Variants in PRR16 observed in about 807,000 individuals in gnomAD.
PRR16 encodes proline rich 16, also known as protein Largen.
Under a neutral mutation model 18.2 loss-of-function variants are expected in PRR16, and 6 were observed. The observed-to-expected ratio is 0.33, with a 90% CI of 0.18 to 0.65. The LOEUF is 0.65. PRR16 is among the 30% of genes least tolerant of loss of function. The pLI is 0.74. For synonymous variants in PRR16, 151 were observed against 147.8 expected, an observed-to-expected ratio of 1.02 and a Z score of -0.16; for missense variants, 412 against 376.6, an observed-to-expected ratio of 1.09 and a Z score of -0.78.
chr5:120,483,796 A>G (rs907029642), intron 1 of PRR16, among the ~76,000 whole-genome samples: 5 of 152,146 alleles, frequency 3.3e-5, no homozygotes, highest in Admixed American at 6.6e-5. Context: ...ATCTCAGATA[A>G]CAAATCTGGC....
At chr5:120,510,919 G>T (rs1360417148) in intron 1 of PRR16, among the ~76,000 whole-genome samples, 1 of 152,074 alleles carries the variant, frequency 6.6e-6, no homozygotes, top group Non-Finnish European at 1.5e-5. Context: ...ATCCCTACTT[G>T]CCTGGGGAAA....
chr5:120,505,605 T>C (rs1177193897), intron 1 of PRR16, among the ~76,000 whole-genome samples: 1 of 152,208 alleles, frequency 6.6e-6, no homozygotes, highest in Non-Finnish European at 1.5e-5. Context: ...TTGGCGACTG[T>C]ACAAGTGTCA....
intron 1 of PRR16, among the ~76,000 whole-genome samples, chr5:120,476,855 G>T (rs994349680): frequency 2.0e-5 from 3 of 152,008 alleles, no homozygotes; most frequent in Non-Finnish European, 4.4e-5. Flanking sequence ...CTCTGTATTT[G>T]CTGTCACCTA....
intron 1 of PRR16, among the ~76,000 whole-genome samples, chr5:120,498,602 T>C (rs1750338829): frequency 6.6e-6 from 1 of 151,798 alleles, no homozygotes; most frequent in Non-Finnish European, 1.5e-5. Context: ...ATCCGTATTT[T>C]TGTTTACTAT....
chr5:120,744,081 G>A, the PRR16 span, among the ~76,000 whole-genome samples: 3 of 151,944 alleles, frequency 2.0e-5, no homozygotes, highest in Non-Finnish European at 2.9e-5. Flanking sequence ...CATAAAAGCT[G>A]ATACTATGGC....
At chr5:120,507,667 A>AT (rs762674968) in intron 1 of PRR16, among the ~76,000 whole-genome samples, 1 of 151,992 alleles carries the variant, frequency 6.6e-6, no homozygotes, top group African/African-American at 2.4e-5. Flanking sequence ...TTTGTTTTAT[A>AT]TTTTTTTAAT....
At chr5:120,660,749 AGTCTTAT>A (rs1373486795) in intron 1 of PRR16, among the ~76,000 whole-genome samples, 1 of 152,038 alleles carries the variant, frequency 6.6e-6, no homozygotes, top group Non-Finnish European at 1.5e-5. Context: ...GACATTATGC[AGTCTTAT>A]GTGTGTTTTT....
intron 1 of PRR16, among the ~76,000 whole-genome samples, chr5:120,524,723 G>A (rs1380350273): frequency 6.6e-6 from 1 of 152,060 alleles, no homozygotes; most frequent in African/African-American, 2.4e-5. Flanking sequence ...AATGCTTGAG[G>A]TGATGAATAT....
intron 1 of PRR16, among the ~76,000 whole-genome samples, chr5:120,595,786 T>G (rs539216879): frequency 1.3e-5 from 2 of 152,128 alleles, no homozygotes; most frequent in Non-Finnish European, 2.9e-5. Flanking sequence ...ACACACCTTT[T>G]TCATGTAAAT....
the PRR16 span, among the ~76,000 whole-genome samples, chr5:120,733,652 G>C: frequency 1.3e-5 from 2 of 152,098 alleles, no homozygotes; most frequent in Non-Finnish European, 2.9e-5. Flanking sequence ...TAACATTGTT[G>C]TTATGCAACT....
chr5:120,465,929 C>T (rs1371806833), intron 1 of PRR16, among the ~76,000 whole-genome samples: 1 of 152,158 alleles, frequency 6.6e-6, no homozygotes, highest in African/African-American at 2.4e-5. Flanking sequence ...AGAGCCCCCT[C>T]GTCTTCCTCC....
chr5:120,560,689 T>C (rs576199286), intron 1 of PRR16, among the ~76,000 whole-genome samples: 1 of 152,096 alleles, frequency 6.6e-6, no homozygotes, highest in Non-Finnish European at 1.5e-5. Flanking sequence ...TTTTTCAGAA[T>C]AGTTCAAGTA....
chr5:120,717,552 T>A, the PRR16 span, among the ~76,000 whole-genome samples: 1 of 152,214 alleles, frequency 6.6e-6, no homozygotes, highest in Non-Finnish European at 1.5e-5. Context: ...ACTTATCCAC[T>A]GGCTGAAAAC....
chr5:120,734,514 A>G, the PRR16 span, among the ~76,000 whole-genome samples: 55 of 151,072 alleles, frequency 3.6e-4, no homozygotes, highest in African/African-American at 1.3e-3. Flanking sequence ...GTTGCTAAAC[A>G]TGAAAGACAG....
At chr5:120,767,518 T>C in the PRR16 span, among the ~76,000 whole-genome samples, 1 of 151,934 alleles carries the variant, frequency 6.6e-6, no homozygotes. Context: ...CAGCATTAGC[T>C]GTTCTCCTTC....
intron 1 of PRR16, among the ~76,000 whole-genome samples, chr5:120,548,039 G>A (rs1323276771): frequency 6.6e-6 from 1 of 151,924 alleles, no homozygotes; most frequent in African/African-American, 2.4e-5. Flanking sequence ...CTGTTTGCTG[G>A]CAATGACAGT....
rs150037438 is a variant in PRR16, at chr5:120,492,955, G to T, written c.159+28310G>T. ...TATACCACATTTTCTTAATCCACTT[G>T]TTGGCCGATGGACACTTAGTTTGGT... On this transcript the variant is annotated intron_variant, in intron 1 of 1. Coordinates refer to ENST00000407149, the MANE Select transcript of PRR16 (RefSeq NM_001300783.2). Among the ~76,000 whole-genome samples, 671 of 152,174 alleles carry T rather than the reference G, an allele frequency of 4.4e-3. 2 individuals are homozygous for T. The highest frequency in any genetic ancestry group is 0.015 in the African/African-American group (631 of 41,524).
At chr5:120,555,946 C>G (rs1031295723) in intron 1 of PRR16, among the ~76,000 whole-genome samples, 4 of 151,322 alleles carry the variant, frequency 2.6e-5, no homozygotes, top group African/African-American at 9.7e-5. Flanking sequence ...TTAAAAAAGA[C>G]TTTATTTCCA....
chr5:120,736,222 TTGTACTG>T, the PRR16 span, among the ~76,000 whole-genome samples: 1 of 152,208 alleles, frequency 6.6e-6, no homozygotes, highest in Non-Finnish European at 1.5e-5. Flanking sequence ...GACTAAAATT[TTGTACTG>T]TGTTTAGAAA....
Sources: gnomAD v4.1 joint callset for allele counts (sites outside exome capture counted in the v4.1 genomes callset) on GRCh38, gnomAD v4.1.1 for gene constraint, MANE v1.5 for transcripts, NCBI Gene and HGNC (gene_info 2026-07-23, HGNC 2026-07-21) for gene names.